Variants in MYOF observed in about 807,000 individuals in gnomAD.
The protein encoded by MYOF is myoferlin.
A neutral mutation model predicts 284.2 loss-of-function variants in MYOF; 244 were observed. The ratio of observed to expected loss-of-function variants is 0.86; its 90% CI spans 0.77 to 0.95. The LOEUF (loss-of-function observed/expected upper bound fraction) is 0.95, where lower values mean the gene tolerates loss of function less well. Among genes scored for constraint, MYOF ranks in the 40% least tolerant of loss-of-function variants. The probability of loss-of-function intolerance (pLI) is 0.00; values close to 1 mark genes in which losing one functional copy is unlikely to be tolerated. For missense variants in MYOF, 2,496 were observed against 2,560.6 expected (o/e 0.97, Z 0.54); for synonymous variants, 904 against 919.7 (o/e 0.98, Z 0.31).
chr10:93,469,165 C>T lies in MYOF; in HGVS notation c.89-12228G>A, dbSNP rs1344388282. Among the ~76,000 whole-genome samples the T allele has an allele frequency of 3.9e-5, 6 of 152,186 alleles. No individual in the cohort carries two copies. In the East Asian group the frequency reaches 7.8e-4, roughly 20 times the overall value. ...CCATAATCCCAGCATTTTGGGAGGCCGAGGTGGGTGGATCGCTTGAGGTCA... is the reference window on the plus strand; with the variant it reads ...CCATAATCCCAGCATTTTGGGAGGCTGAGGTGGGTGGATCGCTTGAGGTCA... On this transcript the variant is annotated intron_variant, in intron 1 of 53. Coordinates refer to ENST00000359263, the MANE Select transcript of MYOF (RefSeq NM_013451.4).
At chr10:93,319,537 G>A (rs1842762115) in intron 49 of MYOF, among the ~76,000 whole-genome samples, 1 of 152,070 alleles carries the variant, frequency 6.6e-6, no homozygotes, top group Non-Finnish European at 1.5e-5. Context: ...TGCCTAGCAT[G>A]GGAAGACATC....
chr10:93,398,656 AGCT>A (rs1286007868), intron 13 of MYOF, among the ~76,000 whole-genome samples: 1 of 152,194 alleles, frequency 6.6e-6, no homozygotes, highest in Admixed American at 6.5e-5. Flanking sequence ...TTTGCCCCAG[AGCT>A]GAAGGCTTTT....
At position 93,404,091 on chromosome 10, in the gene MYOF, A is replaced by T. The variant is rs1847429630; in HGVS notation, c.793-18T>A. The T allele has an allele frequency of 6.2e-7, 1 of 1,614,040 alleles. No individual in the cohort carries two copies. On this transcript the variant is annotated intron_variant, in intron 8 of 53. Coordinates refer to ENST00000359263, the MANE Select transcript of MYOF (RefSeq NM_013451.4). ...TTATAAACCTGGAAGAAAGAAGAGT[A>T]GTGAAGAAATGATTGGCTTTGCCTG...
At chr10:93,363,618 A>T (rs1274533561) in intron 27 of MYOF, among the ~76,000 whole-genome samples, 1 of 152,242 alleles carries the variant, frequency 6.6e-6, no homozygotes, top group Non-Finnish European at 1.5e-5. Flanking sequence ...GTGAGCTATG[A>T]TCGCACCACT....
chr10:93,361,307 G>T, intron 28 of MYOF, 145 bp downstream of exon 28: 1 of 708,766 alleles, frequency 1.4e-6, no homozygotes, highest in Non-Finnish European at 2.3e-6. Context: ...AAAAGGCCAT[G>T]AACTGGTACC....
Position 93,306,736 on chromosome 10 carries a change from CTTTAGAAAATAAAACTT to C in MYOF, c.*210_*226del, listed in dbSNP as rs972390483. On this transcript the variant is annotated 3_prime_UTR_variant, in exon 54 of 54. Coordinates refer to ENST00000359263, the MANE Select transcript of MYOF (RefSeq NM_013451.4). ...AATATTTTGAAAAACATGATTTAAA[CTTTAGAAAATAAAACTT>C]TTAATACTTAAGAGATAACATGATG... The C allele has an allele frequency of 2.9e-5, 14 of 481,712 alleles. No individual in the cohort carries two copies. Among genetic ancestry groups the C allele is most frequent in the African/African-American group, 2.4e-4 (12 of 49,236 alleles). The allele number at this position is 481,712 out of a possible 1,614,324, so 29.8% of individuals were successfully genotyped here.
At position 93,409,728 on chromosome 10, in the gene MYOF, C is replaced by T; in HGVS notation, c.445G>A (p.Glu149Lys). 1 of 1,614,118 alleles carries T rather than the reference C, an allele frequency of 6.2e-7. No individual in the cohort carries two copies. Among genetic ancestry groups the T allele is most frequent in the South Asian group, 1.1e-5 (1 of 91,058 alleles). Residue 149 changes from glutamate to lysine, a missense_variant, in exon 6 of 54, where the codon GAA becomes AAA. This residue lies in a region of MYOF where 2,436 missense variants were observed against 2,480.7 expected (regional missense o/e 0.98). Transcript: ENST00000359263. ...SVPGMGGDGE[E>K]DEGDEDRLDN... The stretch of plus-strand genomic sequence containing the variant: ...AACCTGTCTTCATCACCTTCATCTT[C>T]TTCCCCATCTCCTAAAATATCAGAA...
intron 37 of MYOF, among the ~76,000 whole-genome samples, chr10:93,345,253 A>G (rs1419164243): frequency 1.3e-5 from 2 of 152,230 alleles, no homozygotes; most frequent in Admixed American, 6.5e-5. Context: ...TAGTACCTCA[A>G]TAGTCCTGTA....
chr10:93,443,631 T>C (rs1026966620), intron 3 of MYOF, among the ~76,000 whole-genome samples: 1 of 152,106 alleles, frequency 6.6e-6, no homozygotes, highest in Admixed American at 6.6e-5. Context: ...CATTGCAGCA[T>C]GGAAATGAGT....
Position 93,441,533 on chromosome 10 carries a change from C to T in MYOF, c.237-10017G>A, listed in dbSNP as rs531332833. 2.9e-3 allele frequency among the ~76,000 whole-genome samples: 435 copies of T among 151,066 alleles called. 3 individuals carry two copies. The highest frequency in any genetic ancestry group is 9.9e-3 in the African/African-American group (409 of 41,184). ...TGGAGTAGCTGGGATTACAGGTGCC[C>T]GCCACCATGCCTGGCTAATTTTTGT... On this transcript the variant is annotated intron_variant, in intron 3 of 53. Transcript: ENST00000359263.
chr10:93,476,561 A>G (rs2057269020), intron 1 of MYOF, among the ~76,000 whole-genome samples: 1 of 150,324 alleles, frequency 6.7e-6, no homozygotes, highest in Admixed American at 6.7e-5. Flanking sequence ...TCCCCCACTG[A>G]AAAAAAAAAT....
chr10:93,394,111 T>C (rs1043241877), intron 16 of MYOF, among the ~76,000 whole-genome samples: 2 of 152,198 alleles, frequency 1.3e-5, no homozygotes, highest in African/African-American at 4.8e-5. Flanking sequence ...TTCATTCATT[T>C]ATTCATTCGA....
At chr10:93,338,573 T>C (rs188046371) in intron 39 of MYOF, 13 of 451,138 alleles carry the variant, frequency 2.9e-5, no homozygotes, top group African/African-American at 2.2e-4. Context: ...TATGGGATCT[T>C]TAGGAGAAAG....
chr10:93,374,619 A>T, intron 23 of MYOF, 144 bp downstream of exon 23: 1 of 750,008 alleles, frequency 1.3e-6, no homozygotes, highest in Non-Finnish European at 2.0e-6. Context: ...CAGCCCAGTT[A>T]CTCCCTGATT....
chr10:93,431,831 C>T (rs1055555971), intron 3 of MYOF, among the ~76,000 whole-genome samples: 2 of 151,356 alleles, frequency 1.3e-5, no homozygotes, highest in African/African-American at 4.9e-5. Flanking sequence ...CTGCAGCCTC[C>T]ACCTCCCAGG....
intron 13 of MYOF, among the ~76,000 whole-genome samples, chr10:93,398,362 T>C (rs1847122167): frequency 6.6e-6 from 1 of 152,230 alleles, no homozygotes; most frequent in Non-Finnish European, 1.5e-5. Context: ...AATCACTTCT[T>C]GTCCCTGCTT....
intron 20 of MYOF, 79 bp downstream of exon 20, chr10:93,381,140 G>A: frequency 1.4e-6 from 2 of 1,443,326 alleles, no homozygotes. Flanking sequence ...AGTGCCAGAG[G>A]GAAGACACAG....
chr10:93,364,114 G>A (rs769041171), intron 26 of MYOF, 39 bp from the exon 27 acceptor site: 97 of 1,577,106 alleles, frequency 6.2e-5, no homozygotes, highest in Non-Finnish European at 7.5e-5. Context: ...CAAGGAGACC[G>A]GGTAACCGGC....
At chr10:93,431,972 C>A (rs1284314833) in intron 3 of MYOF, among the ~76,000 whole-genome samples, 1 of 152,072 alleles carries the variant, frequency 6.6e-6, no homozygotes. Context: ...TGGTCTTGAA[C>A]TCTGACCTCA....
Sources: allele counts gnomAD v4.1 joint callset (sites outside exome capture counted in the v4.1 genomes callset), GRCh38; gene constraint gnomAD v4.1.1; regional missense constraint gnomAD v4.1.1; transcripts MANE v1.5; gene names NCBI Gene and HGNC (gene_info 2026-07-23, HGNC 2026-07-21).